Variants in SSR2 observed in about 807,000 individuals in gnomAD.
SSR2 encodes the protein translocon-associated protein subunit beta.
Under a neutral mutation model 22.6 loss-of-function variants are expected in SSR2, and 16 were observed. The observed-to-expected ratio is 0.71, with a 90% CI of 0.48 to 1.08. The LOEUF (loss-of-function observed/expected upper bound fraction) is 1.08, where lower values mean the gene tolerates loss of function less well. Ranked by LOEUF, SSR2 falls within the 50% of genes least tolerant of loss-of-function variation. The probability of loss-of-function intolerance (pLI) is 0.00; values close to 1 mark genes in which losing one functional copy is unlikely to be tolerated. For missense variants in SSR2, 171 were observed against 221.6 expected (o/e 0.77, Z 1.45); for synonymous variants, 83 against 91.2 (o/e 0.91, Z 0.51).
At chr1:156,018,478 T>A in intron 2 of SSR2, 110 bp from the exon 3 acceptor site, 1 of 683,738 alleles carries the variant, frequency 1.5e-6, no homozygotes, top group South Asian at 1.6e-5. Context: ...GAGGCCGAGG[T>A]GGGCAGATCA....
intron 2 of SSR2, chr1:156,019,306 T>G (rs569329053): frequency 1.1e-4 from 48 of 434,336 alleles, no homozygotes; most frequent in African/African-American, 8.9e-4. Context: ...ACACAGTGAA[T>G]ACAGAGGAGA....
At chr1:156,016,133 CAA>C (rs1683051509) in intron 3 of SSR2, among the ~76,000 whole-genome samples, 1 of 151,774 alleles carries the variant, frequency 6.6e-6, no homozygotes, top group African/African-American at 2.4e-5. Context: ...ACAAGAGCGA[CAA>C]GAGCGAAACT....
chr1:156,020,404 A>C (rs939634772), intron 1 of SSR2: 1 of 448,220 alleles, frequency 2.2e-6, no homozygotes, highest in African/African-American at 2.0e-5. Context: ...TCTTCCTGTC[A>C]GAAGCCCCGG....
intron 1 of SSR2, chr1:156,020,625 T>C (rs181329804): frequency 6.0e-4 from 190 of 314,708 alleles, no homozygotes; most frequent in Admixed American, 9.6e-4. Context: ...CCTCCTCACA[T>C]CCCTGTACCC....
intron 5 of SSR2, chr1:156,010,529 T>G (rs72708236): frequency 0.018 from 2,770 of 152,262 alleles, 46 homozygotes; most frequent in South Asian, 0.031. Flanking sequence ...GCACAAATTT[T>G]AAGCAGAACT....
At chr1:156,018,243 C>T (rs1303327175) in intron 3 of SSR2, 27 bp downstream of exon 3, 6 of 1,592,462 alleles carry the variant, frequency 3.8e-6, no homozygotes, top group African/African-American at 1.3e-5. Flanking sequence ...CCCCCCGACC[C>T]TTCATCACCA....
At chr1:156,020,626 C>A (rs1683135755) in intron 1 of SSR2, 1 of 337,866 alleles carries the variant, frequency 3.0e-6, no homozygotes, top group African/African-American at 2.1e-5. Context: ...CTCCTCACAT[C>A]CCTGTACCCC....
In SSR2 at chr1:156,018,382, G is replaced by C. The variant is rs912244880; in HGVS notation, c.156-14C>G. ...TCTAATGCAGCACTAGAAAATGGATGAAACAAAAAGGGTTAGTAAGTAATG... is the reference window on the plus strand; with the variant it reads ...TCTAATGCAGCACTAGAAAATGGATCAAACAAAAAGGGTTAGTAAGTAATG... On this transcript the variant is annotated splice_polypyrimidine_tract_variant and intron_variant, in intron 2 of 5. Transcript: ENST00000295702. The C allele has an allele frequency of 1.3e-6, 2 of 1,598,334 alleles. No homozygotes were observed. The highest frequency in any genetic ancestry group is 2.2e-5 in the East Asian group (1 of 44,710).
chr1:156,014,628 G>T, intron 4 of SSR2: 2 of 185,080 alleles, frequency 1.1e-5, no homozygotes, highest in South Asian at 1.1e-4. Context: ...TGCAACCTCT[G>T]CCTCCTGGGT....
At chr1:156,013,442 A>T (rs1683007252) in intron 4 of SSR2, 1 of 152,728 alleles carries the variant, frequency 6.5e-6, no homozygotes, top group Non-Finnish European at 1.5e-5. Context: ...AAAAAAAAGA[A>T]AAAAAGAAAA....
chr1:156,019,374 G>A, intron 2 of SSR2: 1 of 250,396 alleles, frequency 4.0e-6, no homozygotes, highest in Non-Finnish European at 8.5e-6. Context: ...GCTAATGAAA[G>A]AAGGAAAATT....
At chr1:156,019,388 C>CTTT in intron 2 of SSR2, 3 of 206,400 alleles carry the variant, frequency 1.5e-5, no homozygotes, top group South Asian at 5.6e-5. Context: ...GAAAATTACA[C>CTTT]TTTTTTTTTT....
At chr1:156,011,980 C>T (rs1249934135) in intron 4 of SSR2, 93 bp from the exon 5 acceptor site, 1 of 886,832 alleles carries the variant, frequency 1.1e-6, no homozygotes, top group African/African-American at 1.7e-5. Flanking sequence ...ACCAACCCAA[C>T]TCTATGCATT....
intron 1 of SSR2, chr1:156,020,459 C>T: frequency 5.6e-6 from 2 of 355,130 alleles, no homozygotes; most frequent in Non-Finnish European, 1.1e-5. Context: ...CACCATGTGG[C>T]CAGAGCAGGG....
chr1:156,018,705 TCAAA>T (rs1683099812), intron 2 of SSR2, among the ~76,000 whole-genome samples: 2 of 150,344 alleles, frequency 1.3e-5, no homozygotes, highest in South Asian at 4.2e-4. Flanking sequence ...AGACTCTGTC[TCAAA>T]CAAACAAAAA....
intron 3 of SSR2, among the ~76,000 whole-genome samples, chr1:156,017,739 GTTTTTTTTT>G (rs757236241): frequency 3.1e-4 from 19 of 61,908 alleles, no homozygotes; most frequent in Middle Eastern, 0.036. Context: ...TATGTTTCAG[GTTTTTTTTT>G]TTTTTTTTTT....
intron 3 of SSR2, 35 bp from the exon 4 acceptor site, chr1:156,015,104 G>A: frequency 6.4e-7 from 1 of 1,553,444 alleles, no homozygotes; most frequent in Non-Finnish European, 8.9e-7. Flanking sequence ...AAGAGATGAA[G>A]CTAAAGTTGT....
intron 3 of SSR2, among the ~76,000 whole-genome samples, chr1:156,016,537 A>G (rs961247215): frequency 1.3e-5 from 2 of 152,150 alleles, no homozygotes; most frequent in Admixed American, 1.3e-4. Context: ...CGCCTGGCCA[A>G]GCTCATAGAA....
intron 1 of SSR2, 158 bp from the exon 2 acceptor site, chr1:156,020,325 A>G (rs924834570): frequency 1.0e-5 from 7 of 675,332 alleles, no homozygotes; most frequent in Non-Finnish European, 1.7e-5. Context: ...CCCGTTCTCC[A>G]GACTCTCCTA....
Sources: gnomAD v4.1 joint callset for allele counts (sites outside exome capture counted in the v4.1 genomes callset) on GRCh38, gnomAD v4.1.1 for gene constraint, MANE v1.5 for transcripts, NCBI Gene and HGNC (gene_info 2026-07-23, HGNC 2026-07-21) for gene names.